Variants in PTPN4 observed in about 807,000 individuals in gnomAD.
The protein encoded by PTPN4 is tyrosine-protein phosphatase non-receptor type 4.
In PTPN4, 49 loss-of-function variants were observed where a neutral mutation model predicts 135.5. That is an observed-to-expected ratio of 0.36 (90% CI 0.29 to 0.46). The LOEUF (loss-of-function observed/expected upper bound fraction) is 0.46, where lower values mean the gene tolerates loss of function less well. Among genes scored for constraint, PTPN4 ranks in the 20% least tolerant of loss-of-function variants. The pLI is 1.00. For synonymous variants in PTPN4, 333 were observed against 369.9 expected, an observed-to-expected ratio of 0.90 and a Z score of 1.14; for missense variants, 860 against 1,101.0, an observed-to-expected ratio of 0.78 and a Z score of 3.10.
At chr2:119,865,361 C>A (rs907243696) in intron 3 of PTPN4, among the ~76,000 whole-genome samples, 4 of 152,050 alleles carry the variant, frequency 2.6e-5, no homozygotes, top group Non-Finnish European at 5.9e-5. Context: ...AAATAATATT[C>A]CATTTTATTC....
In PTPN4 at chr2:119,956,884, C is replaced by A. The variant is rs199504631; in HGVS notation, c.2021C>A (p.Ala674Asp). The change falls in exon 21 of 27, where the codon GCC (alanine) becomes GAC (aspartate). Residue 674 changes from alanine (A) to aspartate (D), a missense_variant. Transcript: ENST00000263708. Reference protein sequence around the residue: ...RKKPGMTMSCAKLPQNISKNR... With the variant: ...RKKPGMTMSCDKLPQNISKNR... Reference sequence around the variant, plus strand: ...AAACCTGGAATGACAATGTCCTGTGCCAAATTACCTCAGAATATTTCCAAA... The same window carrying A: ...AAACCTGGAATGACAATGTCCTGTGACAAATTACCTCAGAATATTTCCAAA... The A allele has an allele frequency of 6.2e-7, 1 of 1,607,136 alleles. No homozygotes were observed. Among genetic ancestry groups the A allele is most frequent in the African/African-American group, 1.4e-5 (1 of 74,052 alleles).
chr2:119,949,234 CATA>C (rs1679177950), intron 18 of PTPN4, among the ~76,000 whole-genome samples: 1 of 152,028 alleles, frequency 6.6e-6, no homozygotes, highest in African/African-American at 2.4e-5. Flanking sequence ...CAAATTAAAA[CATA>C]GTCATTCTAT....
chr2:119,877,518 A>G lies in PTPN4; in HGVS notation c.344A>G (p.Asn115Ser), dbSNP rs766752995. The G allele has an allele frequency of 3.7e-6, 6 of 1,610,210 alleles. No individual in the cohort carries two copies. The highest frequency in any genetic ancestry group is 1.7e-5 in the Admixed American group (1 of 59,642). ...FRVKFFVSDPNKLQEEYTRYQ... is the reference protein window; with the variant it reads ...FRVKFFVSDPSKLQEEYTRYQ... ...GTCAAATTTTTTGTAAGTGACCCCAACAAGTTACAAGAAGAATATACAAGG... is the reference window on the plus strand; with the variant it reads ...GTCAAATTTTTTGTAAGTGACCCCAGCAAGTTACAAGAAGAATATACAAGG... Residue 115 changes from asparagine to serine, a missense_variant, in exon 5 of 27, where the codon AAC becomes AGC. Coordinates refer to ENST00000263708, the MANE Select transcript of PTPN4 (RefSeq NM_002830.4).
At chr2:119,833,968 G>A (rs1440270795) in intron 2 of PTPN4, among the ~76,000 whole-genome samples, 3 of 152,082 alleles carry the variant, frequency 2.0e-5, no homozygotes, top group African/African-American at 7.2e-5. Context: ...TTTTCCACCT[G>A]TTTGTGATAA....
chr2:119,768,901 C>T (rs1690686284), intron 1 of PTPN4, among the ~76,000 whole-genome samples: 1 of 152,184 alleles, frequency 6.6e-6, no homozygotes, highest in Admixed American at 6.5e-5. Flanking sequence ...TGTCTTTAGG[C>T]ATGTTACTGT....
At chr2:119,857,603 G>A (rs2104984581) in intron 2 of PTPN4, among the ~76,000 whole-genome samples, 2 of 151,284 alleles carry the variant, frequency 1.3e-5, no homozygotes, top group South Asian at 4.2e-4. Flanking sequence ...ACCTTACCGA[G>A]GACTCCTTAC....
chr2:119,836,000 C>T (rs186046868), intron 2 of PTPN4, among the ~76,000 whole-genome samples: 3,717 of 150,598 alleles, frequency 0.025, 70 homozygotes, highest in African/African-American at 0.064. Flanking sequence ...ATCCGGGAGG[C>T]GGAGGTTGCA....
chr2:119,819,760 G>A (rs140003462), intron 2 of PTPN4, among the ~76,000 whole-genome samples: 29 of 152,170 alleles, frequency 1.9e-4, no homozygotes, highest in Non-Finnish European at 3.4e-4. Context: ...TTTTTTGTTT[G>A]TTTACATATC....
At chr2:119,861,075 T>C (rs1426785539) in intron 2 of PTPN4, among the ~76,000 whole-genome samples, 3 of 150,146 alleles carry the variant, frequency 2.0e-5, no homozygotes, top group Admixed American at 6.6e-5. Flanking sequence ...TTATTTTGGC[T>C]GGGAGGTCCG....
intron 24 of PTPN4, 46 bp downstream of exon 24, chr2:119,962,790 TAAAGAC>T (rs1679388023): frequency 3.6e-6 from 5 of 1,370,650 alleles, no homozygotes. Context: ...GTGTTCAGGG[TAAAGAC>T]TGAAAGCTGA....
chr2:119,919,988 T>C (rs1678713735), intron 11 of PTPN4, 81 bp from the exon 12 acceptor site: 5 of 1,499,942 alleles, frequency 3.3e-6, no homozygotes, highest in Non-Finnish European at 3.5e-6. Flanking sequence ...CTAGAATAAT[T>C]TATCTGTCAA....
At chr2:119,846,935 C>T (rs1305417115) in intron 2 of PTPN4, among the ~76,000 whole-genome samples, 1 of 151,046 alleles carries the variant, frequency 6.6e-6, no homozygotes, top group African/African-American at 2.4e-5. Context: ...ATATTACAAA[C>T]CCAAAAATAT....
chr2:119,941,236 TAATA>T (rs1280547736), intron 15 of PTPN4, among the ~76,000 whole-genome samples: 3 of 152,220 alleles, frequency 2.0e-5, no homozygotes, highest in Non-Finnish European at 2.9e-5. Flanking sequence ...ACTGTTTAAG[TAATA>T]AATATATATG....
At chr2:119,908,053 G>T (rs1018174870) in intron 10 of PTPN4, among the ~76,000 whole-genome samples, 4 of 152,114 alleles carry the variant, frequency 2.6e-5, no homozygotes, top group Admixed American at 6.5e-5. Flanking sequence ...GATTTTATGG[G>T]TAGGTCTTTA....
At chr2:119,843,526 T>C (rs1197092431) in intron 2 of PTPN4, among the ~76,000 whole-genome samples, 14 of 119,774 alleles carry the variant, frequency 1.2e-4, no homozygotes, top group Non-Finnish European at 1.9e-4. Flanking sequence ...GACGGGGTGG[T>C]GGCCGGGCAG....
At chr2:119,961,304 G>C (rs1470310471) in intron 23 of PTPN4, among the ~76,000 whole-genome samples, 1 of 152,116 alleles carries the variant, frequency 6.6e-6, no homozygotes, top group Non-Finnish European at 1.5e-5. Flanking sequence ...ATATACAAAT[G>C]GCTAAGAAGC....
intron 17 of PTPN4, 45 bp from the exon 18 acceptor site, chr2:119,946,473 A>G: frequency 5.0e-6 from 8 of 1,591,834 alleles, no homozygotes; most frequent in Non-Finnish European, 6.0e-6. Context: ...AGATGTTCTT[A>G]TTTTGGTAAT....
At chr2:119,897,756 T>C (rs1678345930) in intron 9 of PTPN4, among the ~76,000 whole-genome samples, 1 of 152,238 alleles carries the variant, frequency 6.6e-6, no homozygotes. Context: ...GATAACTACA[T>C]AGTTAAAGCT....
intron 1 of PTPN4, among the ~76,000 whole-genome samples, chr2:119,780,808 G>T (rs1165292396): frequency 6.6e-6 from 1 of 152,114 alleles, no homozygotes; most frequent in Admixed American, 6.6e-5. Flanking sequence ...AATTTATGGG[G>T]TGATACTTTT....
Sources: allele counts gnomAD v4.1 joint callset (sites outside exome capture counted in the v4.1 genomes callset), GRCh38; gene constraint gnomAD v4.1.1; transcripts MANE v1.5; gene names NCBI Gene and HGNC (gene_info 2026-07-23, HGNC 2026-07-21).